The following CFAP91 variants were observed in gnomAD, a reference collection of about 807,000 sequenced individuals.
CFAP91 encodes the protein cilia- and flagella-associated protein 91.
A neutral mutation model predicts 95.9 loss-of-function variants in CFAP91; 85 were observed. The ratio of observed to expected loss-of-function variants is 0.89; its 90% CI spans 0.74 to 1.06. The LOEUF (loss-of-function observed/expected upper bound fraction) is 1.06. CFAP91 is among the 50% of genes least tolerant of loss of function. The pLI is 0.00. For missense variants in CFAP91, 962 were observed against 943.4 expected (o/e 1.02, Z -0.26); for synonymous variants, 335 against 327.5 (o/e 1.02, Z -0.25).
chr3:119,709,214 T>A (rs2053430593), intron 4 of CFAP91, among the ~76,000 whole-genome samples: 1 of 152,208 alleles, frequency 6.6e-6, no homozygotes, highest in Admixed American at 6.5e-5. Context: ...AGATGGGGAT[T>A]TCCTTATATA....
At chr3:119,722,244 G>A (rs116145834) in intron 6 of CFAP91, among the ~76,000 whole-genome samples, 2,561 of 151,636 alleles carry the variant, frequency 0.017, 54 homozygotes, top group African/African-American at 0.045. Context: ...TTTAGCTGAG[G>A]TCAGGAGTTC....
chr3:119,753,053 A>T (rs1475527093), intron 17 of CFAP91, among the ~76,000 whole-genome samples: 1 of 152,322 alleles, frequency 6.6e-6, no homozygotes, highest in East Asian at 1.9e-4. Flanking sequence ...ATACATATTT[A>T]AAAATACATA....
intron 12 of CFAP91, 40 bp downstream of exon 12, chr3:119,739,366 A>G (rs750608881): frequency 1.2e-5 from 19 of 1,583,710 alleles, no homozygotes; most frequent in Non-Finnish European, 6.9e-6. Flanking sequence ...TTCTCTTTTG[A>G]GAATAAATTT....
rs2054618763 is a variant in CFAP91 at position 119,765,907 on chromosome 3, C to A, written c.*857C>A. The stretch of plus-strand genomic sequence containing the variant: ...TTACTGTAAGAAACAAGGAAAATTG[C>A]AGAAACATTTGCTGAGTGTTTTTAA... On this transcript the variant is annotated 3_prime_UTR_variant, in exon 18 of 18. Transcript: ENST00000273390. 1 of 152,118 alleles carries A rather than the reference C, an allele frequency of 6.6e-6. No homozygotes were observed. Among genetic ancestry groups the A allele is most frequent in the Non-Finnish European group, 1.5e-5 (1 of 68,014 alleles). The allele number at this position is 152,118 out of a possible 1,614,324, so 9.4% of individuals were successfully genotyped here.
intron 13 of CFAP91, among the ~76,000 whole-genome samples, chr3:119,742,815 C>T (rs2054145470): frequency 6.6e-6 from 1 of 152,162 alleles, no homozygotes; most frequent in Non-Finnish European, 1.5e-5. Context: ...GATGCTTTTA[C>T]CCATAGCCCC....
chr3:119,752,912 C>T (rs2107915577), intron 17 of CFAP91, among the ~76,000 whole-genome samples: 1 of 152,194 alleles, frequency 6.6e-6, no homozygotes, highest in Admixed American at 6.5e-5. Flanking sequence ...ATGGTTGGAA[C>T]ATGAAGCTAA....
intron 6 of CFAP91, among the ~76,000 whole-genome samples, chr3:119,716,107 A>G (rs747700713): frequency 6.6e-6 from 1 of 152,250 alleles, no homozygotes; most frequent in African/African-American, 2.4e-5. Flanking sequence ...CTGAATGCAC[A>G]TTCCTATGTA....
intron 4 of CFAP91, 66 bp downstream of exon 4, chr3:119,708,740 A>T: frequency 3.1e-6 from 3 of 964,360 alleles, no homozygotes; most frequent in Non-Finnish European, 4.8e-6. Flanking sequence ...TATGATAATA[A>T]TAATAGTTAT....
At chr3:119,733,342 A>G in intron 9 of CFAP91, 22 bp from the exon 10 acceptor site, 1 of 1,612,216 alleles carries the variant, frequency 6.2e-7, no homozygotes, top group Non-Finnish European at 8.5e-7. Flanking sequence ...GGATACTAAA[A>G]ACATGTGCTT....
chr3:119,758,923 C>G (rs2107923052), intron 17 of CFAP91, among the ~76,000 whole-genome samples: 1 of 152,110 alleles, frequency 6.6e-6, no homozygotes, highest in East Asian at 1.9e-4. Flanking sequence ...GAATTCCATT[C>G]CTTTCATTAA....
chr3:119,737,274 A>G, intron 10 of CFAP91, 92 bp from the exon 11 acceptor site: 1 of 700,608 alleles, frequency 1.4e-6, no homozygotes, highest in Non-Finnish European at 2.5e-6. Context: ...ACCATTATGT[A>G]ATACATTCAT....
chr3:119,724,864 C>T (rs1417283433), intron 6 of CFAP91, among the ~76,000 whole-genome samples: 1 of 152,190 alleles, frequency 6.6e-6, no homozygotes, highest in Non-Finnish European at 1.5e-5. Context: ...TCTGCCTCAG[C>T]CTCCCAAGTA....
At position 119,714,281 on chromosome 3, in the gene CFAP91, G is replaced by C. The variant is rs534900373; in HGVS notation, c.501-1281G>C. Among the ~76,000 whole-genome samples the C allele has an allele frequency of 5.4e-4, 82 of 151,048 alleles. 1 individual carries two copies. The South Asian group carries it at 5.9e-3, about 11-fold the overall frequency. On this transcript the variant is annotated intron_variant, in intron 5 of 17. Transcript: ENST00000273390. ...CTCGGAAGGCTGAGGCAGGAGAATG[G>C]CCTGAACCCAGGAGGCGGAGCTTGC...
chr3:119,732,293 G>A lies in CFAP91; in HGVS notation c.1019-1G>A. The A allele has an allele frequency of 6.3e-7, 1 of 1,594,370 alleles. No individual in the cohort carries two copies. The highest frequency in any genetic ancestry group is 8.6e-7 in the Non-Finnish European group (1 of 1,168,660). On this transcript the variant is annotated splice_acceptor_variant, in intron 8 of 17. Coordinates refer to ENST00000273390, the MANE Select transcript of CFAP91 (RefSeq NM_033364.4). LOFTEE classifies it high-confidence loss of function. ...AGTCATGGAGGTATGTTTTATTTCAGCAATCAGAAAACTTGTAGGAAAGAG... is the reference window on the plus strand; with the variant it reads ...AGTCATGGAGGTATGTTTTATTTCAACAATCAGAAAACTTGTAGGAAAGAG...
chr3:119,764,412 A>G (rs1158459980), intron 17 of CFAP91, among the ~76,000 whole-genome samples: 1 of 152,142 alleles, frequency 6.6e-6, no homozygotes, highest in South Asian at 2.1e-4. Flanking sequence ...TCACAAACAT[A>G]TCTTTGAGAT....
chr3:119,758,760 T>G (rs921169993), intron 17 of CFAP91, among the ~76,000 whole-genome samples: 1 of 151,968 alleles, frequency 6.6e-6, no homozygotes, highest in Admixed American at 6.6e-5. Flanking sequence ...AAAGATGAGA[T>G]AGGGATGAGA....
chr3:119,735,245 C>T (rs958995699), intron 10 of CFAP91, among the ~76,000 whole-genome samples: 3 of 152,014 alleles, frequency 2.0e-5, no homozygotes, highest in Non-Finnish European at 2.9e-5. Context: ...TTTTTAATCA[C>T]ATTAATTTAT....
intron 6 of CFAP91, among the ~76,000 whole-genome samples, chr3:119,724,803 G>A (rs2053749555): frequency 1.3e-5 from 2 of 152,062 alleles, no homozygotes; most frequent in South Asian, 4.1e-4. Flanking sequence ...GGAGTGCAGT[G>A]GAGTGATCTT....
At position 119,754,951 on chromosome 3, in the gene CFAP91, G is replaced by T. The variant is rs146650077; in HGVS notation, c.*1+3853G>T. ...CAAGAATTAAGATCCAGTGGAATTT[G>T]CCTTGCCAGGTCGTGGACTTGCTTA... On this transcript the variant is annotated intron_variant, in intron 17 of 17. Coordinates refer to ENST00000273390, the MANE Select transcript of CFAP91 (RefSeq NM_033364.4). Among the ~76,000 whole-genome samples the T allele has an allele frequency of 3.3e-3, 507 of 152,314 alleles. 5 individuals carry two copies. Among genetic ancestry groups the T allele is most frequent in the Non-Finnish European group, 3.5e-3 (236 of 68,020 alleles).
Sources: allele counts gnomAD v4.1 joint callset (sites outside exome capture counted in the v4.1 genomes callset), GRCh38; gene constraint gnomAD v4.1.1; transcripts MANE v1.5; gene names NCBI Gene and HGNC (gene_info 2026-07-23, HGNC 2026-07-21).